Variants in FER1L6 observed in about 807,000 individuals in gnomAD.
FER1L6 encodes fer-1-like protein 6.
FER1L6 carries 177 observed loss-of-function variants against 219.2 expected under a neutral mutation model. The observed-to-expected ratio is 0.81, with a 90% CI of 0.71 to 0.91. FER1L6 has a LOEUF of 0.91. FER1L6 is among the 40% of genes least tolerant of loss of function. The pLI, the probability that FER1L6 is intolerant of heterozygous loss-of-function variation, is 0.00. For missense variants in FER1L6, 2,153 were observed against 2,259.9 expected (o/e 0.95, Z 0.96); for synonymous variants, 768 against 824.3 (o/e 0.93, Z 1.17).
intron 1 of FER1L6, among the ~76,000 whole-genome samples, chr8:123,910,762 T>TAAACTTTAAG (rs1350624902): frequency 4.6e-5 from 7 of 152,188 alleles, no homozygotes; most frequent in African/African-American, 1.7e-4. Context: ...GAGTTAGGGT[T>TAAACTTTAAG]AAACTTTAAG....
At chr8:124,076,437 G>A in intron 32 of FER1L6, 112 bp downstream of exon 32, 2 of 1,044,562 alleles carry the variant, frequency 1.9e-6, no homozygotes, top group Non-Finnish European at 2.9e-6. Context: ...GGTTCCAGGA[G>A]GTTAAATACT....
intron 1 of FER1L6, among the ~76,000 whole-genome samples, chr8:123,885,139 G>A (rs529953233): frequency 2.0e-5 from 3 of 152,180 alleles, no homozygotes; most frequent in African/African-American, 4.8e-5. Context: ...CCATCCTTGA[G>A]CCTTCAGAGG....
intron 13 of FER1L6, among the ~76,000 whole-genome samples, chr8:124,005,291 G>A (rs1202106750): frequency 2.6e-5 from 4 of 152,120 alleles, no homozygotes; most frequent in Non-Finnish European, 5.9e-5. Context: ...GATTAATTCC[G>A]GAGGCCGTAG....
chr8:123,889,299 T>C (rs1484407738), intron 1 of FER1L6, among the ~76,000 whole-genome samples: 1 of 152,180 alleles, frequency 6.6e-6, no homozygotes, highest in African/African-American at 2.4e-5. Flanking sequence ...AAATGATGTG[T>C]AAATAGATAA....
chr8:123,980,438 GAT>G, intron 10 of FER1L6, 25 bp from the exon 11 acceptor site: 1 of 1,537,194 alleles, frequency 6.5e-7, no homozygotes. Flanking sequence ...AACATAATGA[GAT>G]AACTAAAACC....
At position 124,076,338 on chromosome 8, in the gene FER1L6, C is replaced by G. The variant is rs1353231287; in HGVS notation, c.4220+13C>G. On this transcript the variant is annotated intron_variant, in intron 32 of 40. Coordinates refer to ENST00000522917, the MANE Select transcript of FER1L6 (RefSeq NM_001039112.2). ...CAGTATTTGGAAGGTCAGTGGCCAT[C>G]TGGGCTGTGTTTTATTGTCCTTTCT... 6.2e-7 allele frequency: 1 copy of G among 1,611,546 alleles called. No homozygotes were observed. The highest frequency in any genetic ancestry group is 1.7e-5 in the Admixed American group (1 of 59,992).
At chr8:124,075,305 T>C (rs1257362484) in intron 31 of FER1L6, among the ~76,000 whole-genome samples, 1 of 152,044 alleles carries the variant, frequency 6.6e-6, no homozygotes, top group Non-Finnish European at 1.5e-5. Context: ...AATTGTTTTA[T>C]TTTTTAAACT....
chr8:123,945,986 T>G (rs1586498276), intron 1 of FER1L6, among the ~76,000 whole-genome samples: 2 of 152,176 alleles, frequency 1.3e-5, no homozygotes, highest in Admixed American at 1.3e-4. Context: ...AAAACTCTGT[T>G]GGGAAAAAAG....
rs568900278 is a variant in FER1L6 at position 124,036,702 on chromosome 8, G to T, written c.2464+1248G>T. Among the ~76,000 whole-genome samples, 3 of 152,244 alleles carry T rather than the reference G, an allele frequency of 2.0e-5. No homozygotes were observed. The East Asian group carries it at 5.8e-4, about 29-fold the overall frequency. Reference sequence around the variant, plus strand: ...CCTATTTTTATCGACTATCTCTAGAGACCCAAGGACCTGGATGTGATTGCT... The same window carrying T: ...CCTATTTTTATCGACTATCTCTAGATACCCAAGGACCTGGATGTGATTGCT... On this transcript the variant is annotated intron_variant, in intron 19 of 40. Transcript: ENST00000522917.
chr8:123,977,655 C>T, intron 10 of FER1L6, 46 bp downstream of exon 10: 2 of 1,563,178 alleles, frequency 1.3e-6, no homozygotes, highest in Non-Finnish European at 1.8e-6. Context: ...AAAATGCTTG[C>T]TTTAGAGCCC....
In FER1L6 at chr8:123,973,385, CTT is replaced by C. The variant is rs777607371; in HGVS notation, c.448-48_448-47del. On this transcript the variant is annotated intron_variant, in intron 6 of 40. Coordinates refer to ENST00000522917, the MANE Select transcript of FER1L6 (RefSeq NM_001039112.2). ...CAAAGCTAGACAAGGGTCAAGGCCTCTTATCCTCAAGGTAAATCTGCCATACT... is the reference window on the plus strand; with the variant it reads ...CAAAGCTAGACAAGGGTCAAGGCCTCATCCTCAAGGTAAATCTGCCATACT... The C allele has an allele frequency of 8.3e-5, 123 of 1,485,298 alleles. No individual in the cohort carries two copies. In the African/African-American group the frequency reaches 1.5e-3, roughly 18 times the overall value. The allele number at this position is 1,485,298 out of a possible 1,614,324, so 92.0% of individuals were successfully genotyped here. A position where few individuals can be genotyped will look rare whatever the true frequency, so the allele number is the denominator to read the frequency against.
At chr8:124,079,682 G>A (rs895602167) in intron 32 of FER1L6, among the ~76,000 whole-genome samples, 3 of 152,180 alleles carry the variant, frequency 2.0e-5, no homozygotes, top group African/African-American at 7.2e-5. Flanking sequence ...CACCCTTATG[G>A]AGGAGGCAGG....
chr8:123,936,186 C>T (rs373399787), intron 1 of FER1L6, among the ~76,000 whole-genome samples: 103 of 152,190 alleles, frequency 6.8e-4, no homozygotes, highest in African/African-American at 2.2e-3. Context: ...CCTAAGTGAA[C>T]GGTCCATACG....
At position 123,852,538 on chromosome 8, in the gene FER1L6, A is replaced by G. The variant is rs1316724980; in HGVS notation, c.-8+353A>G. 1.3e-5 allele frequency among the ~76,000 whole-genome samples: 2 copies of G among 151,294 alleles called. No homozygotes were observed. Among genetic ancestry groups the G allele is most frequent in the African/African-American group, 4.9e-5 (2 of 41,088 alleles). On this transcript the variant is annotated intron_variant, in intron 1 of 40. Transcript: ENST00000522917. The surrounding 1 kb of genome is among the most constrained non-coding windows in gnomAD (Gnocchi z 4.9). ...TTTGACAGAGACAGAGGGAGGAGAA[A>G]GAAGAGAGACTGGTAAAATTTTGGG...
At chr8:124,119,093 GCTT>G (rs2131055510) in intron 40 of FER1L6, 149 bp downstream of exon 40, 1 of 639,922 alleles carries the variant, frequency 1.6e-6, no homozygotes, top group African/African-American at 1.8e-5. Flanking sequence ...AACCTGTGTA[GCTT>G]TTCGAAGAAA....
At chr8:124,093,828 A>G (rs1377736703) in intron 34 of FER1L6, among the ~76,000 whole-genome samples, 2 of 151,868 alleles carry the variant, frequency 1.3e-5, no homozygotes, top group Non-Finnish European at 2.9e-5. Flanking sequence ...GTGGGTACAT[A>G]ATAGGTATTT....
At chr8:124,119,457 C>A in intron 40 of FER1L6, 150 bp from the exon 41 acceptor site, 2 of 653,998 alleles carry the variant, frequency 3.1e-6, no homozygotes, top group East Asian at 2.6e-5. Context: ...TCAGGCTGCT[C>A]CTGCTTCAGG....
At position 124,003,260 on chromosome 8, in the gene FER1L6, A is replaced by T; in HGVS notation, c.1613A>T (p.Glu538Val). The change falls in exon 13 of 41, where the codon GAA becomes GTA. Residue 538 changes from glutamate to valine, a missense_variant. Glu to Val is a moderately radical substitution (Grantham distance 121, BLOSUM62 -2). Coordinates refer to ENST00000522917, the MANE Select transcript of FER1L6 (RefSeq NM_001039112.2). ...GAAGACCTCCTTCCACTGCTTCACG[A>T]AGGGCAAGGGGATGTGGCCCATGAT... Reference protein sequence around the residue: ...AEEDLLPLLHEGQGDVAHDVP... With the variant: ...AEEDLLPLLHVGQGDVAHDVP... 1.9e-6 allele frequency: 3 copies of T among 1,614,062 alleles called. No homozygotes were observed. The highest frequency in any genetic ancestry group is 2.5e-6 in the Non-Finnish European group (3 of 1,180,010).
chr8:123,892,426 G>T (rs1212892482), intron 1 of FER1L6, among the ~76,000 whole-genome samples: 1 of 152,052 alleles, frequency 6.6e-6, no homozygotes, highest in African/African-American at 2.4e-5. Flanking sequence ...CAAGTAGCTG[G>T]GATTACAGGT....
Sources: allele counts gnomAD v4.1 joint callset (sites outside exome capture counted in the v4.1 genomes callset), GRCh38; gene constraint gnomAD v4.1.1; non-coding constraint Gnocchi (gnomAD v3.1); transcripts MANE v1.5; gene names NCBI Gene and HGNC (gene_info 2026-07-23, HGNC 2026-07-21).